Variants in EFCAB14 observed in about 807,000 individuals in gnomAD.
The protein encoded by EFCAB14 is EF-hand calcium-binding domain-containing protein 14.
In EFCAB14, 43 loss-of-function variants were observed where a neutral mutation model predicts 56.5. The observed-to-expected ratio is 0.76, with a 90% CI of 0.60 to 0.98. The LOEUF (loss-of-function observed/expected upper bound fraction) is 0.98, where lower values mean the gene tolerates loss of function less well. Among genes scored for constraint, EFCAB14 ranks in the 50% least tolerant of loss-of-function variants. EFCAB14 has a pLI of 0.00. For synonymous variants in EFCAB14, 235 were observed against 212.9 expected (o/e 1.10, Z -0.90); for missense variants, 538 against 580.3 (o/e 0.93, Z 0.75).
chr1:46,681,963 G>GAA (rs968739829), intron 10 of EFCAB14, among the ~76,000 whole-genome samples: 1 of 137,100 alleles, frequency 7.3e-6, no homozygotes, highest in Non-Finnish European at 1.6e-5. Flanking sequence ...CCAGAAAACA[G>GAA]AAAAAAAAAA....
intron 8 of EFCAB14, among the ~76,000 whole-genome samples, chr1:46,685,751 T>A (rs991440733): frequency 6.6e-6 from 1 of 152,210 alleles, no homozygotes; most frequent in African/African-American, 2.4e-5. Context: ...GCTACTACTT[T>A]CTAATAGAAA....
intron 2 of EFCAB14, among the ~76,000 whole-genome samples, chr1:46,711,974 C>T (rs896043927): frequency 1.5e-4 from 23 of 151,974 alleles, no homozygotes; most frequent in Admixed American, 3.3e-4. Flanking sequence ...ACAGTGTGAC[C>T]GATGTTATGA....
intron 2 of EFCAB14, among the ~76,000 whole-genome samples, chr1:46,708,499 T>A (rs2148849659): frequency 6.6e-6 from 1 of 152,334 alleles, no homozygotes; most frequent in African/African-American, 2.4e-5. Flanking sequence ...ACCAGCTCAA[T>A]TAAGGAGCTT....
chr1:46,691,936 C>A lies in EFCAB14; in HGVS notation c.581G>T (p.Ser194Ile), dbSNP rs751086383. 1.2e-6 allele frequency: 2 copies of A among 1,612,284 alleles called. No individual in the cohort carries two copies. The highest frequency in any genetic ancestry group is 1.7e-6 in the Non-Finnish European group (2 of 1,179,018). The change falls in exon 5 of 11, where the codon AGT becomes ATT. Residue 194 changes from serine (S) to isoleucine (I), a missense_variant and splice_region_variant. Ser to Ile is a moderately radical substitution (Grantham distance 142, BLOSUM62 -2). Coordinates refer to ENST00000371933, the MANE Select transcript of EFCAB14 (RefSeq NM_014774.3). ...TAAAGTATTGCCAATGGAAGCTACA[C>A]TCTGAATGGAAACATATAGGAAGGT... ...LPTTVEGLQK[S>I]VASIGNTLNS... is the part of the protein sequence containing the mutation.
intron 4 of EFCAB14, among the ~76,000 whole-genome samples, chr1:46,695,387 T>G (rs576055926): frequency 6.6e-6 from 1 of 152,184 alleles, no homozygotes; most frequent in East Asian, 1.9e-4. Context: ...CCCGAATTTG[T>G]AAGTAGATGG....
chr1:46,679,613 T>G (rs1233305936), intron 10 of EFCAB14, among the ~76,000 whole-genome samples: 1 of 126,866 alleles, frequency 7.9e-6, no homozygotes, highest in Non-Finnish European at 1.7e-5. Flanking sequence ...TTTTTTTTTT[T>G]TTTTTTTTTT....
chr1:46,705,206 C>T (rs1460971700), intron 3 of EFCAB14, among the ~76,000 whole-genome samples: 2 of 152,244 alleles, frequency 1.3e-5, no homozygotes, highest in African/African-American at 4.8e-5. Context: ...CAACACAAGT[C>T]TCTGCTTTCC....
intron 10 of EFCAB14, among the ~76,000 whole-genome samples, chr1:46,680,213 A>G (rs1328264912): frequency 6.6e-6 from 1 of 152,216 alleles, no homozygotes; most frequent in Non-Finnish European, 1.5e-5. Flanking sequence ...AGGTATATAT[A>G]TACTCAAGGC....
chr1:46,716,888 T>C (rs78191293), intron 1 of EFCAB14, among the ~76,000 whole-genome samples: 2,301 of 152,308 alleles, frequency 0.015, 53 homozygotes, highest in African/African-American at 0.051. Flanking sequence ...TGAGCAAGTT[T>C]TACTGCAAAA....
chr1:46,715,356 T>TA (rs1322240456), intron 2 of EFCAB14, among the ~76,000 whole-genome samples: 1 of 152,182 alleles, frequency 6.6e-6, no homozygotes, highest in Non-Finnish European at 1.5e-5. Context: ...CTGTCATACT[T>TA]AATCACTGAA....
intron 3 of EFCAB14, among the ~76,000 whole-genome samples, chr1:46,705,439 C>T (rs906077430): frequency 1.3e-5 from 2 of 152,174 alleles, no homozygotes; most frequent in Non-Finnish European, 2.9e-5. Flanking sequence ...TTGGTTATAA[C>T]GTTGATGGGA....
In EFCAB14 at chr1:46,684,543, A is replaced by T. The variant is rs776853477; in HGVS notation, c.1134T>A (p.Ser378Arg). Residue 378 changes from serine to arginine, a missense_variant, in exon 9 of 11, where the codon AGT becomes AGA. Ser to Arg is a moderately radical substitution (Grantham distance 110). Coordinates refer to ENST00000371933, the MANE Select transcript of EFCAB14 (RefSeq NM_014774.3). The part of the protein sequence containing the change: ...SKLREKLQLI[S>R]ALTNKPESNR... ...TGCTCTCAGGTTTGTTTGTAAGAGCACTGATCAGCTGGAGTTTCTCTCTTA... is the reference window on the plus strand; with the variant it reads ...TGCTCTCAGGTTTGTTTGTAAGAGCTCTGATCAGCTGGAGTTTCTCTCTTA... The T allele has an allele frequency of 1.2e-6, 2 of 1,614,056 alleles. No homozygotes were observed. The highest frequency in any genetic ancestry group is 2.7e-5 in the African/African-American group (2 of 74,934).
chr1:46,689,768 A>C, intron 5 of EFCAB14, 77 bp from the exon 6 acceptor site: 1 of 1,285,304 alleles, frequency 7.8e-7, no homozygotes, highest in Non-Finnish European at 1.1e-6. Context: ...TTGTCCTAGA[A>C]CATTCTAGCC....
rs11443920 is a variant in EFCAB14, at chr1:46,704,900, CT to C, written c.480+3005del. ...ACTTTTTTTTTTTTCAAACTAATGG[CT>C]TTTTTTTCAGATTATATTAACTTCA... On this transcript the variant is annotated intron_variant, in intron 3 of 10. Coordinates refer to ENST00000371933, the MANE Select transcript of EFCAB14 (RefSeq NM_014774.3). Among the ~76,000 whole-genome samples, 208 of 150,152 alleles carry C rather than the reference CT, an allele frequency of 1.4e-3. 3 individuals are homozygous for C. Among genetic ancestry groups the C allele is most frequent in the Non-Finnish European group, 2.2e-4 (15 of 67,722 alleles).
intron 3 of EFCAB14, among the ~76,000 whole-genome samples, chr1:46,697,854 C>CTT (rs759488898): frequency 2.4e-3 from 328 of 134,620 alleles, no homozygotes; most frequent in African/African-American, 8.4e-3. Context: ...CTCTCTCTCT[C>CTT]TTTTTTTTTT....
chr1:46,718,797 G>A lies in EFCAB14; in HGVS notation c.-710C>T, dbSNP rs898403732. On this transcript the variant is annotated 5_prime_UTR_variant, in exon 1 of 11. Coordinates refer to ENST00000371933, the MANE Select transcript of EFCAB14 (RefSeq NM_014774.3). ...CCGAGGAAGATCCGGAGCCCGGCTA[G>A]AAGGGTCGGCCTGAGAGAAGCCAGT... The A allele has an allele frequency of 6.6e-6, 1 of 152,394 alleles. No individual in the cohort carries two copies. Among genetic ancestry groups the A allele is most frequent in the African/African-American group, 2.4e-5 (1 of 41,472 alleles). The allele number at this position is 152,394 out of a possible 1,614,324, so 9.4% of individuals were successfully genotyped here. A position where few individuals can be genotyped will look rare whatever the true frequency, so the allele number is the denominator to read the frequency against.
In EFCAB14 at chr1:46,716,177, T is replaced by A. The variant is rs1052107411; in HGVS notation, c.334+118A>T. ...ACCATGAGAATCACTTGAACCTGGG[T>A]GGCGGATGTTGCAGTGAGCCGAGAT... On this transcript the variant is annotated intron_variant, in intron 2 of 10. Coordinates refer to ENST00000371933, the MANE Select transcript of EFCAB14 (RefSeq NM_014774.3). 3.2e-5 allele frequency: 34 copies of A among 1,066,468 alleles called. No homozygotes were observed. In the African/African-American group the frequency reaches 5.2e-4, roughly 16 times the overall value. 66.1% of individuals were successfully genotyped at this position (1,066,468 alleles called of 1,614,324 possible). A position where few individuals can be genotyped will look rare whatever the true frequency, so the allele number is the denominator to read the frequency against.
chr1:46,698,009 A>G (rs1042142650), intron 3 of EFCAB14, among the ~76,000 whole-genome samples: 5 of 151,726 alleles, frequency 3.3e-5, no homozygotes, highest in Admixed American at 6.6e-5. Flanking sequence ...ATGCCCCTAC[A>G]CCTGGCAAAT....
intron 8 of EFCAB14, among the ~76,000 whole-genome samples, chr1:46,686,235 A>C (rs903369749): frequency 5.9e-5 from 9 of 152,252 alleles, no homozygotes; most frequent in African/African-American, 1.9e-4. Flanking sequence ...AAAAAGGGGA[A>C]GGTACAAGGT....
Sources: allele counts gnomAD v4.1 joint callset (sites outside exome capture counted in the v4.1 genomes callset), GRCh38; gene constraint gnomAD v4.1.1; transcripts MANE v1.5; gene names NCBI Gene and HGNC (gene_info 2026-07-23, HGNC 2026-07-21).